The following RIC3 variants were observed in gnomAD, a reference collection of about 807,000 sequenced individuals.
The protein encoded by RIC3 is RIC3 acetylcholine receptor chaperone, also known as protein RIC-3.
In RIC3, 28 loss-of-function variants were observed where a neutral mutation model predicts 27.3. That is an observed-to-expected ratio of 1.02 (90% CI 0.76 to 1.41). The LOEUF (loss-of-function observed/expected upper bound fraction) is 1.41, where lower values mean the gene tolerates loss of function less well. Among genes scored for constraint, RIC3 ranks in the 40% most tolerant of loss-of-function variants. The probability of loss-of-function intolerance (pLI) is 0.00; values close to 1 mark genes in which losing one functional copy is unlikely to be tolerated. For missense variants in RIC3, 501 were observed against 444.7 expected (o/e 1.13, Z -1.14); for synonymous variants, 184 against 160.4 (o/e 1.15, Z -1.11).
At chr11:8,146,762 A>G (rs1949722503) in intron 1 of RIC3, among the ~76,000 whole-genome samples, 1 of 152,150 alleles carries the variant, frequency 6.6e-6, no homozygotes, top group Non-Finnish European at 1.5e-5. Context: ...CTTCTAGCCT[A>G]CAGGTAGATT....
intron 5 of RIC3, among the ~76,000 whole-genome samples, chr11:8,112,721 A>G (rs1945415141): frequency 6.6e-6 from 1 of 152,188 alleles, no homozygotes; most frequent in Non-Finnish European, 1.5e-5. Flanking sequence ...AGGCATTTGA[A>G]AGTTGGTTGC....
rs1296265699 is a variant in RIC3 at position 8,108,541 on chromosome 11, AC to A, written c.*2156del. On this transcript the variant is annotated 3_prime_UTR_variant, in exon 6 of 6. Coordinates refer to ENST00000309737, the MANE Select transcript of RIC3 (RefSeq NM_001206671.4). Reference sequence around the variant, plus strand: ...ATTTCATTTAACCAGGACCTTTAATACCCCTCCCTTTACTACCCTGAAGCCA... The same window carrying A: ...ATTTCATTTAACCAGGACCTTTAATACCCTCCCTTTACTACCCTGAAGCCA... 1 of 152,192 alleles carries A rather than the reference AC, an allele frequency of 6.6e-6. No individual in the cohort carries two copies. Among genetic ancestry groups the A allele is most frequent in the African/African-American group, 2.4e-5 (1 of 41,514 alleles). 9.4% of individuals were successfully genotyped at this position (152,192 alleles called of 1,614,324 possible).
chr11:8,111,613 T>C (rs1272973751), intron 5 of RIC3, among the ~76,000 whole-genome samples: 1 of 152,242 alleles, frequency 6.6e-6, no homozygotes, highest in Non-Finnish European at 1.5e-5. Context: ...TGAAGCTTTC[T>C]ATTTATCCAA....
At chr11:8,145,558 C>T (rs1200946267) in intron 1 of RIC3, among the ~76,000 whole-genome samples, 4 of 152,034 alleles carry the variant, frequency 2.6e-5, no homozygotes, top group South Asian at 2.1e-4. Flanking sequence ...TATAGCTGAA[C>T]AGACAGGATG....
intron 4 of RIC3, among the ~76,000 whole-genome samples, chr11:8,132,637 A>T (rs897244499): frequency 6.6e-6 from 1 of 152,228 alleles, no homozygotes; most frequent in African/African-American, 2.4e-5. Flanking sequence ...AATATCAAAA[A>T]CTTTCCCCAT....
At chr11:8,122,804 C>T (rs1277280849) in intron 5 of RIC3, among the ~76,000 whole-genome samples, 1 of 143,686 alleles carries the variant, frequency 7.0e-6, no homozygotes, top group Non-Finnish European at 1.5e-5. Flanking sequence ...AAACAAAATC[C>T]AGCACCTAAC....
In RIC3 at chr11:8,146,180, T is replaced by C. The variant is rs576178205; in HGVS notation, c.125-5987A>G. Among the ~76,000 whole-genome samples, 27 of 152,346 alleles carry C rather than the reference T, an allele frequency of 1.8e-4. No homozygotes were observed. The South Asian group carries it at 4.3e-3, about 25-fold the overall frequency. Reference sequence around the variant, plus strand: ...TAACTGGAAGAATGGAAAATCAAAATGGAGTGAATACTAATATGGAATTCT... The same window carrying C: ...TAACTGGAAGAATGGAAAATCAAAACGGAGTGAATACTAATATGGAATTCT... On this transcript the variant is annotated intron_variant, in intron 1 of 5. Transcript: ENST00000309737.
intron 1 of RIC3, among the ~76,000 whole-genome samples, chr11:8,163,201 T>A (rs1486883496): frequency 6.6e-6 from 1 of 151,980 alleles, no homozygotes; most frequent in African/African-American, 2.4e-5. Context: ...CTCATAATCA[T>A]CTCAACAGAC....
rs1197527242 is a variant in RIC3, at chr11:8,111,235, C to T, written c.671-98G>A. 6 of 858,326 alleles carry T rather than the reference C, an allele frequency of 7.0e-6. No individual in the cohort carries two copies. The African/African-American group carries it at 1.0e-4, about 15-fold the overall frequency. The allele number at this position is 858,326 out of a possible 1,614,324, so 53.2% of individuals were successfully genotyped here. ...AAGAGGATTCTCAGGCAGCAGCCAT[C>T]CTATCCTAACAAATCCATTCAAGAC... On this transcript the variant is annotated intron_variant, in intron 5 of 5. Transcript: ENST00000309737.
chr11:8,097,443 A>G, the RIC3 span: 1 of 1,614,192 alleles, frequency 6.2e-7, no homozygotes, highest in East Asian at 2.2e-5. Flanking sequence ...TGGTCTGGGC[A>G]TGTTATCATC....
chr11:8,166,008 C>T (rs552405616), intron 1 of RIC3, among the ~76,000 whole-genome samples: 7 of 152,184 alleles, frequency 4.6e-5, no homozygotes, highest in Middle Eastern at 3.4e-3. Context: ...AAGCTGGTCT[C>T]GAACTCCCAG....
chr11:8,146,604 G>C (rs11607166), intron 1 of RIC3, among the ~76,000 whole-genome samples: 39,150 of 151,962 alleles, frequency 0.26, 5,126 homozygotes, highest in East Asian at 0.44. Flanking sequence ...GCCCTCAGGA[G>C]GTCCTGAGAA....
chr11:8,097,751 A>T, the RIC3 span: 1 of 1,614,062 alleles, frequency 6.2e-7, no homozygotes, highest in Admixed American at 1.7e-5. Flanking sequence ...AAGAAGAGTA[A>T]AACTTCCAAT....
In RIC3 at chr11:8,138,103, T is replaced by C. The variant is rs142617020; in HGVS notation, c.427+169A>G. On this transcript the variant is annotated intron_variant, in intron 3 of 5. Coordinates refer to ENST00000309737, the MANE Select transcript of RIC3 (RefSeq NM_001206671.4). The stretch of plus-strand genomic sequence containing the variant: ...GTGGTTTTGTACTTTTTGTAGTACA[T>C]CAATATAAAAACTTTTGAGAATTCC... Among the ~76,000 whole-genome samples the C allele has an allele frequency of 8.0e-3, 1,215 of 152,306 alleles. 3 individuals carry two copies. The highest frequency in any genetic ancestry group is 0.024 in the Middle Eastern group (7 of 294).
intron 4 of RIC3, among the ~76,000 whole-genome samples, chr11:8,131,042 G>C (rs1315291125): frequency 6.6e-6 from 1 of 152,120 alleles, no homozygotes; most frequent in Non-Finnish European, 1.5e-5. Context: ...AAAACCGAAA[G>C]GAGGCAAAAT....
At chr11:8,168,602 G>A (rs536773142) in intron 1 of RIC3, among the ~76,000 whole-genome samples, 2 of 152,336 alleles carry the variant, frequency 1.3e-5, no homozygotes, top group African/African-American at 2.4e-5. Flanking sequence ...CTAAACGGGA[G>A]TACGCAAGGC....
chr11:8,100,673 T>C, the RIC3 span: 4 of 1,547,866 alleles, frequency 2.6e-6, no homozygotes, highest in Non-Finnish European at 3.6e-6. Flanking sequence ...AGGGCAGAAC[T>C]CCAGCTGATG....
chr11:8,094,671 C>G, the RIC3 span, among the ~76,000 whole-genome samples: 1 of 152,214 alleles, frequency 6.6e-6, no homozygotes, highest in Non-Finnish European at 1.5e-5. Context: ...CACAGACCAG[C>G]CTGTTCCCTC....
chr11:8,101,384 A>T, downstream of RIC3: 2 of 1,437,718 alleles, frequency 1.4e-6, no homozygotes, highest in Middle Eastern at 1.8e-4. Flanking sequence ...TCTGCTTCTC[A>T]CTTGTTCTTC....
Sources: gnomAD v4.1 joint callset for allele counts (sites outside exome capture counted in the v4.1 genomes callset) on GRCh38, gnomAD v4.1.1 for gene constraint, MANE v1.5 for transcripts, NCBI Gene and HGNC (gene_info 2026-07-23, HGNC 2026-07-21) for gene names.